TENM4: variants seen among roughly 807,000 people sequenced by gnomAD.
TENM4 encodes teneurin transmembrane protein 4.
Under a neutral mutation model 243.3 loss-of-function variants are expected in TENM4, and 82 were observed. The ratio of observed to expected loss-of-function variants is 0.34; its 90% CI spans 0.28 to 0.40. The LOEUF (loss-of-function observed/expected upper bound fraction) is 0.40. TENM4 is among the 10% of genes least tolerant of loss of function. TENM4 has a pLI of 1.00. For synonymous variants in TENM4, 1,412 were observed against 1,456.3 expected, an observed-to-expected ratio of 0.97 and a Z score of 0.69; for missense variants, 3,138 against 3,673.3, an observed-to-expected ratio of 0.85 and a Z score of 3.77.
At chr11:79,400,030 G>C (rs1245310742) in intron 1 of TENM4, among the ~76,000 whole-genome samples, 1 of 151,152 alleles carries the variant, frequency 6.6e-6, no homozygotes, top group Non-Finnish European at 1.5e-5. Context: ...GTCTCTGCTA[G>C]AATAAATATT....
intron 1 of TENM4, among the ~76,000 whole-genome samples, chr11:79,390,150 G>A (rs1462663591): frequency 6.6e-6 from 1 of 152,226 alleles, no homozygotes; most frequent in Admixed American, 6.5e-5. Context: ...AGACCTCAGA[G>A]GTTAAAGGAA....
intron 2 of TENM4, among the ~76,000 whole-genome samples, chr11:79,221,565 A>G (rs1864155260): frequency 6.6e-6 from 1 of 151,774 alleles, no homozygotes. Flanking sequence ...AAAAATCTGG[A>G]ATGCCCTGTT....
chr11:78,677,863 G>A lies in TENM4; in HGVS notation c.5261-1476C>T, dbSNP rs1295093238. ...ATGTATACATGTGCCATGCTGGTGC[G>A]CTGCACCCACTAATGTGTCATCTAG... is the stretch of plus-strand genomic sequence containing the variant. On this transcript the variant is annotated intron_variant, in intron 29 of 33. Coordinates refer to ENST00000278550, the MANE Select transcript of TENM4 (RefSeq NM_001098816.3). 1.5e-3 allele frequency among the ~76,000 whole-genome samples: 200 copies of A among 137,296 alleles called. 1 individual carries two copies. The highest frequency in any genetic ancestry group is 4.7e-3 in the African/African-American group (173 of 36,494). 90.1% of individuals were successfully genotyped at this position (137,296 alleles called of 152,430 possible).
intron 1 of TENM4, among the ~76,000 whole-genome samples, chr11:79,423,015 T>C (rs1365269164): frequency 6.6e-6 from 1 of 152,198 alleles, no homozygotes; most frequent in African/African-American, 2.4e-5. Context: ...TGGTGAGCCT[T>C]CCAAGGATGC....
At chr11:79,048,055 TTTTTC>T (rs1457423769) in intron 6 of TENM4, among the ~76,000 whole-genome samples, 1 of 152,146 alleles carries the variant, frequency 6.6e-6, no homozygotes, top group African/African-American at 2.4e-5. Context: ...CCTGGTACAA[TTTTTC>T]TTTTCATTTG....
chr11:79,297,065 C>A (rs1410070075), intron 2 of TENM4, among the ~76,000 whole-genome samples: 2 of 152,226 alleles, frequency 1.3e-5, no homozygotes, highest in Non-Finnish European at 2.9e-5. Flanking sequence ...CAGGTCATTG[C>A]AGGACTTGAG....
intron 9 of TENM4, among the ~76,000 whole-genome samples, chr11:78,870,436 A>C (rs1440392120): frequency 2.0e-5 from 3 of 152,208 alleles, no homozygotes; most frequent in Non-Finnish European, 2.9e-5. Flanking sequence ...ATATTTGCCC[A>C]ATAGATGAAA....
At chr11:79,019,006 G>A (rs1200836769) in intron 6 of TENM4, among the ~76,000 whole-genome samples, 1 of 152,166 alleles carries the variant, frequency 6.6e-6, no homozygotes, top group Non-Finnish European at 1.5e-5. Flanking sequence ...GGTTTCTTCT[G>A]GGGGACTCCC....
intron 6 of TENM4, among the ~76,000 whole-genome samples, chr11:78,985,764 T>C (rs944268890): frequency 6.6e-6 from 1 of 152,186 alleles, no homozygotes; most frequent in Non-Finnish European, 1.5e-5. Flanking sequence ...CATGCAGAAA[T>C]GCTTAACCTG....
intron 4 of TENM4, among the ~76,000 whole-genome samples, chr11:79,127,280 C>T (rs957244144): frequency 2.6e-5 from 4 of 152,192 alleles, no homozygotes; most frequent in African/African-American, 9.6e-5. Flanking sequence ...TTAGTGACAC[C>T]ATCAAGGACT....
At chr11:79,322,224 C>T (rs1376041888) in intron 1 of TENM4, among the ~76,000 whole-genome samples, 1 of 151,992 alleles carries the variant, frequency 6.6e-6, no homozygotes. Flanking sequence ...TCAAGTGACA[C>T]CTGACTCAGG....
At chr11:79,265,720 C>T (rs1016427482) in intron 2 of TENM4, among the ~76,000 whole-genome samples, 4 of 151,994 alleles carry the variant, frequency 2.6e-5, no homozygotes, top group Non-Finnish European at 5.9e-5. Flanking sequence ...CTATCTTTCT[C>T]GCTTCTCATC....
At chr11:78,852,835 A>C (rs1858572037) in intron 12 of TENM4, among the ~76,000 whole-genome samples, 1 of 152,092 alleles carries the variant, frequency 6.6e-6, no homozygotes, top group African/African-American at 2.4e-5. Flanking sequence ...CTGCAACCTC[A>C]ATCTCCTGGG....
intron 3 of TENM4, among the ~76,000 whole-genome samples, chr11:79,153,230 T>G (rs1414382260): frequency 6.6e-6 from 1 of 152,194 alleles, no homozygotes; most frequent in African/African-American, 2.4e-5. Flanking sequence ...AGTAACTACC[T>G]CACAAGATTG....
At chr11:79,183,260 A>G (rs752049138) in intron 3 of TENM4, among the ~76,000 whole-genome samples, 3 of 152,216 alleles carry the variant, frequency 2.0e-5, no homozygotes, top group Admixed American at 6.5e-5. Context: ...ATGAAAAGAC[A>G]TGGAGGAAAC....
intron 6 of TENM4, among the ~76,000 whole-genome samples, chr11:79,025,518 A>G (rs1565172429): frequency 6.6e-6 from 1 of 152,362 alleles, no homozygotes; most frequent in Non-Finnish European, 1.5e-5. Flanking sequence ...CTATCATTTA[A>G]TGAGCTTCCT....
intron 9 of TENM4, among the ~76,000 whole-genome samples, chr11:78,864,586 T>A (rs548207280): frequency 4.1e-4 from 62 of 152,126 alleles, no homozygotes; most frequent in Non-Finnish European, 8.5e-4. Flanking sequence ...GCTGGGAAGT[T>A]CATCTCCAAT....
intron 6 of TENM4, among the ~76,000 whole-genome samples, chr11:79,051,330 C>T (rs1263896919): frequency 6.6e-6 from 1 of 152,154 alleles, no homozygotes; most frequent in Non-Finnish European, 1.5e-5. Context: ...TTGTTTAACA[C>T]AAGGTAACAC....
At chr11:79,439,355 G>A (rs1006892983) in intron 1 of TENM4, among the ~76,000 whole-genome samples, 1 of 152,004 alleles carries the variant, frequency 6.6e-6, no homozygotes, top group Admixed American at 6.6e-5. Flanking sequence ...GAGATCGGGT[G>A]GGGGCTTGGC....
Sources: gnomAD v4.1 joint callset for allele counts (sites outside exome capture counted in the v4.1 genomes callset) on GRCh38, gnomAD v4.1.1 for gene constraint, MANE v1.5 for transcripts, NCBI Gene and HGNC (gene_info 2026-07-23, HGNC 2026-07-21) for gene names.